The following ZGRF1 variants were observed in gnomAD, a reference collection of about 807,000 sequenced individuals.
ZGRF1 encodes zinc finger GRF-type containing 1, also known as 5'-3' DNA helicase ZGRF1.
ZGRF1 carries 196 observed loss-of-function variants against 203.5 expected under a neutral mutation model. The ratio of observed to expected loss-of-function variants is 0.96; its 90% CI spans 0.86 to 1.08. The LOEUF (loss-of-function observed/expected upper bound fraction) is 1.08. Among genes scored for constraint, ZGRF1 ranks in the 50% least tolerant of loss-of-function variants. The pLI is 0.00. For missense variants in ZGRF1, 2,326 were observed against 2,416.3 expected, an observed-to-expected ratio of 0.96 and a Z score of 0.78; for synonymous variants, 809 against 841.3, an observed-to-expected ratio of 0.96 and a Z score of 0.66.
intron 24 of ZGRF1, among the ~76,000 whole-genome samples, chr4:112,542,572 GA>G (rs1340966606): frequency 6.6e-6 from 1 of 152,082 alleles, no homozygotes; most frequent in Non-Finnish European, 1.5e-5. Context: ...TAAGGGCAGT[GA>G]AGTTATTACA....
intron 4 of ZGRF1, among the ~76,000 whole-genome samples, chr4:112,623,501 T>C (rs2047130512): frequency 6.6e-6 from 1 of 152,176 alleles, no homozygotes; most frequent in Non-Finnish European, 1.5e-5. Flanking sequence ...GTAGTAGAAT[T>C]AGACTCTAGA....
intron 10 of ZGRF1, among the ~76,000 whole-genome samples, chr4:112,592,135 T>C (rs1261945292): frequency 6.6e-6 from 1 of 150,908 alleles, no homozygotes; most frequent in Non-Finnish European, 1.5e-5. Context: ...TCTCACTGTG[T>C]TGCCCAGGCT....
At chr4:112,575,671 C>T (rs1308346808) in intron 16 of ZGRF1, among the ~76,000 whole-genome samples, 2 of 152,162 alleles carry the variant, frequency 1.3e-5, no homozygotes, top group Non-Finnish European at 2.9e-5. Context: ...CACGGAGCCT[C>T]GCTCATTGCT....
In ZGRF1 at chr4:112,611,143, C is replaced by CTGAT. The variant is rs2149126092; in HGVS notation, c.2667+1380_2667+1381insATCA. 1.2e-5 allele frequency: 2 copies of CTGAT among 164,626 alleles called. 1 individual carries two copies. Among genetic ancestry groups the CTGAT allele is most frequent in the South Asian group, 2.6e-4 (2 of 7,696 alleles). The allele number at this position is 164,626 out of a possible 1,614,324, so 10.2% of individuals were successfully genotyped here. A position where few individuals can be genotyped will look rare whatever the true frequency, so the allele number is the denominator to read the frequency against. ...TGAGGCCGGGCCTGGTGGCTCATGC[C>CTGAT]TGTAATCCCAGCACTTTGGGAGCCT... On this transcript the variant is annotated intron_variant, in intron 7 of 27. Transcript: ENST00000505019.
At chr4:112,549,914 T>C (rs1285961813) in intron 22 of ZGRF1, among the ~76,000 whole-genome samples, 10 of 152,048 alleles carry the variant, frequency 6.6e-5, no homozygotes, top group Non-Finnish European at 1.5e-4. Context: ...GGGACAAGGC[T>C]GGGCGCAGTG....
intron 16 of ZGRF1, among the ~76,000 whole-genome samples, chr4:112,575,199 T>C (rs1245485461): frequency 6.6e-6 from 1 of 152,228 alleles, no homozygotes; most frequent in Non-Finnish European, 1.5e-5. Context: ...AGAGCACAGT[T>C]GAATCAATAT....
rs149684176 is a variant in ZGRF1 at position 112,605,749 on chromosome 4, C to T, written c.2802+259G>A. On this transcript the variant is annotated intron_variant, in intron 9 of 27. Transcript: ENST00000505019. The stretch of plus-strand genomic sequence containing the variant: ...TTACTCTACATGGCTTTGTGTCCAA[C>T]CCCTAGAGTATCCTATGTACGGAAG... The T allele has an allele frequency of 1.2e-3, 504 of 403,382 alleles. 4 individuals carry two copies. Among genetic ancestry groups the T allele is most frequent in the African/African-American group, 9.9e-3 (472 of 47,682 alleles). 25.0% of individuals were successfully genotyped at this position (403,382 alleles called of 1,614,324 possible).
Position 112,632,019 on chromosome 4 carries a change from CA to C in ZGRF1, c.22-10del. 7 of 1,350,706 alleles carry C rather than the reference CA, an allele frequency of 5.2e-6. No individual in the cohort carries two copies. Among genetic ancestry groups the C allele is most frequent in the Non-Finnish European group, 6.1e-6 (6 of 987,620 alleles). 83.7% of individuals were successfully genotyped at this position (1,350,706 alleles called of 1,614,324 possible). A position where few individuals can be genotyped will look rare whatever the true frequency, so the allele number is the denominator to read the frequency against. ...TGATGAGTATATAGAACCTTATTTC[CA>C]AAAATACAAAAGAAATGGTTTCCAT... On this transcript the variant is annotated splice_polypyrimidine_tract_variant and intron_variant, in intron 2 of 27. Coordinates refer to ENST00000505019, the MANE Select transcript of ZGRF1 (RefSeq NM_018392.5).
intron 10 of ZGRF1, among the ~76,000 whole-genome samples, chr4:112,601,118 A>T (rs1463935449): frequency 1.3e-5 from 2 of 150,844 alleles, no homozygotes; most frequent in Non-Finnish European, 3.0e-5. Flanking sequence ...AAAAAAAAAA[A>T]TGATAAACTA....
chr4:112,565,019 C>T, intron 16 of ZGRF1: 1 of 967,808 alleles, frequency 1.0e-6, no homozygotes, highest in Non-Finnish European at 1.7e-6. Flanking sequence ...GCCCACAAAT[C>T]AACCGGTGGT....
chr4:112,627,406 T>C (rs1245539186), intron 3 of ZGRF1, among the ~76,000 whole-genome samples: 2 of 152,174 alleles, frequency 1.3e-5, no homozygotes, highest in Admixed American at 6.5e-5. Flanking sequence ...CTGACTTTCA[T>C]CCTACACAAC....
intron 4 of ZGRF1, among the ~76,000 whole-genome samples, chr4:112,623,024 T>C (rs1396568066): frequency 6.6e-6 from 1 of 152,166 alleles, no homozygotes; most frequent in African/African-American, 2.4e-5. Context: ...CGTTTGTCCA[T>C]GCATTCTCAT....
chr4:112,606,307 CTT>C (rs1054349841), intron 8 of ZGRF1, among the ~76,000 whole-genome samples: 2 of 152,208 alleles, frequency 1.3e-5, no homozygotes, highest in Non-Finnish European at 2.9e-5. Flanking sequence ...AATTTGAAAA[CTT>C]AGCACATTAG....
intron 6 of ZGRF1, 49 bp downstream of exon 6, chr4:112,617,391 C>G: frequency 1.5e-6 from 2 of 1,328,624 alleles, no homozygotes; most frequent in Non-Finnish European, 1.0e-6. Flanking sequence ...TTCTTTATAG[C>G]TCAAAGACCT....
At chr4:112,592,644 C>T (rs2149048460) in intron 10 of ZGRF1, among the ~76,000 whole-genome samples, 1 of 152,302 alleles carries the variant, frequency 6.6e-6, no homozygotes, top group African/African-American at 2.4e-5. Flanking sequence ...TTAAACTTTT[C>T]TTTGTGCAAA....
chr4:112,627,380 G>A (rs73841084), intron 3 of ZGRF1, among the ~76,000 whole-genome samples: 357 of 152,142 alleles, frequency 2.3e-3, no homozygotes, highest in African/African-American at 8.4e-3. Context: ...TCTACTATAA[G>A]TCTCTGAAAT....
At chr4:112,572,256 G>C (rs142206521) in intron 16 of ZGRF1, among the ~76,000 whole-genome samples, 2 of 152,140 alleles carry the variant, frequency 1.3e-5, no homozygotes, top group East Asian at 3.9e-4. Flanking sequence ...CAAATACTTA[G>C]AGCCAACTGA....
intron 3 of ZGRF1, among the ~76,000 whole-genome samples, chr4:112,627,519 T>A (rs2047277908): frequency 6.6e-6 from 1 of 152,068 alleles, no homozygotes; most frequent in South Asian, 2.1e-4. Flanking sequence ...GGCGGGTGGA[T>A]CATCTGAGGT....
intron 3 of ZGRF1, among the ~76,000 whole-genome samples, chr4:112,631,540 C>T (rs972173694): frequency 7.9e-5 from 12 of 151,982 alleles, no homozygotes; most frequent in Admixed American, 5.9e-4. Flanking sequence ...GGCATGGTGT[C>T]GGGTGCCTGT....
Sources: allele counts gnomAD v4.1 joint callset (sites outside exome capture counted in the v4.1 genomes callset), GRCh38; gene constraint gnomAD v4.1.1; transcripts MANE v1.5; gene names NCBI Gene and HGNC (gene_info 2026-07-23, HGNC 2026-07-21).